The following BEAN1 variants were observed in gnomAD, a reference collection of about 807,000 sequenced individuals.
The protein encoded by BEAN1 is protein BEAN1.
Under a neutral mutation model 17.7 loss-of-function variants are expected in BEAN1, and 17 were observed. The observed-to-expected ratio is 0.96, with a 90% confidence interval of 0.66 to 1.44. The LOEUF is 1.44. Ranked by LOEUF, BEAN1 falls within the 40% of genes most tolerant of loss-of-function variation. The probability of loss-of-function intolerance (pLI) is 0.00; values close to 1 mark genes in which losing one functional copy is unlikely to be tolerated. For synonymous variants in BEAN1, 142 were observed against 151.8 expected, an observed-to-expected ratio of 0.94 and a Z score of 0.47; for missense variants, 359 against 374.1, an observed-to-expected ratio of 0.96 and a Z score of 0.33.
intron 2 of BEAN1, among the ~76,000 whole-genome samples, chr16:66,454,057 T>C (rs1962778070): frequency 6.6e-6 from 1 of 152,220 alleles, no homozygotes; most frequent in South Asian, 2.1e-4. Flanking sequence ...AGTTGGGGTT[T>C]TCCCGGATAG....
chr16:66,488,762 G>A (rs931810309), intron 4 of BEAN1, among the ~76,000 whole-genome samples: 6 of 151,910 alleles, frequency 3.9e-5, no homozygotes, highest in African/African-American at 1.5e-4. Context: ...TGGAGGAAGG[G>A]GCCCTGAGCC....
chr16:66,434,596 A>G lies in BEAN1; in HGVS notation c.-82-2999A>G, dbSNP rs948527425. 1.3e-5 allele frequency among the ~76,000 whole-genome samples: 2 copies of G among 152,086 alleles called. No homozygotes were observed. Among genetic ancestry groups the G allele is most frequent in the Non-Finnish European group, 2.9e-5 (2 of 68,004 alleles). ...GCGTAGGTGCTTGGGAAATGAATCA[A>G]TGGATGCAAGCCTGGGGTGCTAGGA... On this transcript the variant is annotated intron_variant, in intron 1 of 4. Transcript: ENST00000536005. The surrounding 1 kb of genome is among the most constrained non-coding windows in gnomAD (Gnocchi z 4.3).
At chr16:66,470,035 T>C in intron 3 of BEAN1, 170 bp downstream of exon 3, 2 of 932,950 alleles carry the variant, frequency 2.1e-6, no homozygotes, top group Non-Finnish European at 1.6e-6. Context: ...CATAATGTTC[T>C]CGGTGACATG....
rs72788594 is a variant in BEAN1, at chr16:66,471,812, A to G, written c.289+1947A>G. 0.026 allele frequency among the ~76,000 whole-genome samples: 4,014 copies of G among 152,328 alleles called. 84 individuals carry two copies. Among genetic ancestry groups the G allele is most frequent in the South Asian group, 0.067 (323 of 4,830 alleles). ...GGACTCCCCAAGGAGACAAGCCAGA[A>G]GCACTCCCAGGCCAGGACGGGCCTG... is the stretch of plus-strand genomic sequence containing the variant. On this transcript the variant is annotated intron_variant, in intron 3 of 4. Coordinates refer to ENST00000536005, the MANE Select transcript of BEAN1 (RefSeq NM_001178020.3). This position sits in a 1 kb window ranked among gnomAD's most constrained non-coding sequence, Gnocchi z 4.7.
intron 2 of BEAN1, among the ~76,000 whole-genome samples, chr16:66,461,217 A>G (rs1963070005): frequency 6.6e-6 from 1 of 152,110 alleles, no homozygotes; most frequent in South Asian, 2.1e-4. Context: ...GATTGTCATC[A>G]TGTTATTTCT....
intron 2 of BEAN1, among the ~76,000 whole-genome samples, chr16:66,463,782 A>C (rs987140289): frequency 6.6e-6 from 1 of 152,226 alleles, no homozygotes; most frequent in Non-Finnish European, 1.5e-5. Context: ...TTAGGTCTTT[A>C]ATCCATTTTC....
At chr16:66,439,230 A>G (rs898093317) in intron 2 of BEAN1, among the ~76,000 whole-genome samples, 2 of 151,982 alleles carry the variant, frequency 1.3e-5, no homozygotes, top group African/African-American at 4.8e-5. Context: ...TGCTCTGGGT[A>G]CCCGAGGAGG....
Position 66,477,709 on chromosome 16 carries a change from G to C in BEAN1, c.439G>C (p.Gly147Arg). 1 of 1,543,800 alleles carries C rather than the reference G, an allele frequency of 6.5e-7. No individual in the cohort carries two copies. The highest frequency in any genetic ancestry group is 8.7e-7 in the Non-Finnish European group (1 of 1,143,176). The change falls in exon 4 of 5, where the codon GGC becomes CGC. Residue 147 changes from glycine (G) to arginine (R), a missense_variant and splice_region_variant. By Grantham distance (125) the Gly-to-Arg change is moderately radical (BLOSUM62 -2). Coordinates refer to ENST00000536005, the MANE Select transcript of BEAN1 (RefSeq NM_001178020.3). ...LRELYPDSPPGYEECVGPGAT... is the reference protein window; with the variant it reads ...LRELYPDSPPRYEECVGPGAT... ...GGAGCTGTACCCAGATTCTCCACCAGGGTAAGGAGGCCTCATGGGGAAGGG... is the reference window on the plus strand; with the variant it reads ...GGAGCTGTACCCAGATTCTCCACCACGGTAAGGAGGCCTCATGGGGAAGGG...
At chr16:66,482,992 G>A (rs1455684068), downstream of BEAN1, 1 of 435,562 alleles carries the variant, frequency 2.3e-6, no homozygotes, top group African/African-American at 2.1e-5. Context: ...AAGCAGCTGG[G>A]ACTACAGGCA....
downstream of BEAN1, among the ~76,000 whole-genome samples, chr16:66,486,282 G>A (rs934178868): frequency 2.6e-5 from 4 of 152,164 alleles, no homozygotes; most frequent in Admixed American, 2.6e-4. Context: ...ACACTGGAGT[G>A]CAGTGGTACG....
chr16:66,487,923 C>A (rs1287352069), intron 4 of BEAN1, among the ~76,000 whole-genome samples: 1 of 152,178 alleles, frequency 6.6e-6, no homozygotes, highest in Non-Finnish European at 1.5e-5. Flanking sequence ...GTCACTCCCC[C>A]AAGGACCCAG....
At chr16:66,454,104 A>G (rs144107213) in intron 2 of BEAN1, among the ~76,000 whole-genome samples, 8 of 152,338 alleles carry the variant, frequency 5.3e-5, no homozygotes, top group Admixed American at 5.2e-4. Context: ...TTGTGGTCAG[A>G]GAACATATTT....
At chr16:66,456,403 C>G (rs1424589896) in intron 2 of BEAN1, among the ~76,000 whole-genome samples, 1 of 152,134 alleles carries the variant, frequency 6.6e-6, no homozygotes, top group African/African-American at 2.4e-5. Context: ...CCAGCCAGCC[C>G]CCCAGAATCT....
chr16:66,438,316 G>A (rs750821507), intron 2 of BEAN1, among the ~76,000 whole-genome samples: 9 of 151,290 alleles, frequency 5.9e-5, no homozygotes, highest in Non-Finnish European at 1.0e-4. Flanking sequence ...TCCGGGAGGC[G>A]GAGGTTGCAG....
chr16:66,493,082 G>A (rs1436076039), exon 5 of BEAN1: 1 of 703,010 alleles, frequency 1.4e-6, no homozygotes, highest in Non-Finnish European at 2.6e-6. Flanking sequence ...ACTGGTCCAG[G>A]CCATCAGCAA....
At chr16:66,480,488 C>A in intron 4 of BEAN1, 98 bp from the exon 5 acceptor site, 2 of 1,010,208 alleles carry the variant, frequency 2.0e-6, no homozygotes, top group Non-Finnish European at 2.8e-6. Flanking sequence ...TGGTCCACAG[C>A]CAGGACAGCT....
downstream of BEAN1, chr16:66,483,938 GAAC>G (rs1331801982): frequency 2.0e-5 from 3 of 153,234 alleles, no homozygotes; most frequent in Non-Finnish European, 2.9e-5. Flanking sequence ...TGCTCAAAGT[GAAC>G]AAGTCAGGCC....
chr16:66,459,365 G>A (rs1434985843), intron 2 of BEAN1, among the ~76,000 whole-genome samples: 1 of 152,034 alleles, frequency 6.6e-6, no homozygotes, highest in Non-Finnish European at 1.5e-5. Flanking sequence ...TGTCACCCAG[G>A]CTGGAGTGCA....
rs1233839403 is a variant in BEAN1 at position 66,480,886 on chromosome 16, A to C, written c.741A>C (p.Pro247=). The change falls in exon 5 of 5, where the codon CCA becomes CCC. Residue 247 remains proline, a synonymous_variant. Coordinates refer to ENST00000536005, the MANE Select transcript of BEAN1 (RefSeq NM_001178020.3). Reference sequence around the variant, plus strand: ...GGGGCTCCCAGGGCTCACCCACCCCAACCCGGGCCCCAGCCTCTGGCCCAG... The same window carrying C: ...GGGGCTCCCAGGGCTCACCCACCCCCACCCGGGCCCCAGCCTCTGGCCCAG... ...GPRGSQGSPT[P]TRAPASGPER... is the part of the protein sequence containing the mutation. 1.4e-6 allele frequency: 2 copies of C among 1,467,200 alleles called. No individual in the cohort carries two copies. The allele number at this position is 1,467,200 out of a possible 1,614,324, so 90.9% of individuals were successfully genotyped here.
Sources: gnomAD v4.1 joint callset for allele counts (sites outside exome capture counted in the v4.1 genomes callset) on GRCh38, gnomAD v4.1.1 for gene constraint, Gnocchi (gnomAD v3.1) non-coding constraint, MANE v1.5 for transcripts, NCBI Gene and HGNC (gene_info 2026-07-23, HGNC 2026-07-21) for gene names.